INPP5A: variants seen among roughly 807,000 people sequenced by gnomAD.
INPP5A encodes inositol polyphosphate-5-phosphatase A.
INPP5A carries 14 observed loss-of-function variants against 65.2 expected under a neutral mutation model. The observed-to-expected ratio is 0.21, with a 90% CI of 0.14 to 0.34. The LOEUF (loss-of-function observed/expected upper bound fraction) is 0.34, where lower values mean the gene tolerates loss of function less well. Among genes scored for constraint, INPP5A ranks in the 10% least tolerant of loss-of-function variants. The pLI is 1.00. For missense variants in INPP5A, 431 were observed against 545.6 expected, an observed-to-expected ratio of 0.79 and a Z score of 2.09; for synonymous variants, 207 against 208.3, an observed-to-expected ratio of 0.99 and a Z score of 0.05.
At chr10:132,679,139 C>T (rs2073009089) in intron 4 of INPP5A, among the ~76,000 whole-genome samples, 1 of 152,130 alleles carries the variant, frequency 6.6e-6, no homozygotes, top group Non-Finnish European at 1.5e-5. Flanking sequence ...GGCGGGGGCC[C>T]CACAGGGAGA....
rs546707093 is a variant in INPP5A, at chr10:132,694,876, A to T, written c.371-2940A>T. On this transcript the variant is annotated intron_variant, in intron 5 of 15. Coordinates refer to ENST00000368594, the MANE Select transcript of INPP5A (RefSeq NM_005539.5). ...TCTGAACAGGTCTATAGCTATTAACAACACTGAATAAGTAATTAATAACCT... is the reference window on the plus strand; with the variant it reads ...TCTGAACAGGTCTATAGCTATTAACTACACTGAATAAGTAATTAATAACCT... 2.6e-5 allele frequency among the ~76,000 whole-genome samples: 4 copies of T among 152,356 alleles called. No individual in the cohort carries two copies. The South Asian group carries it at 6.2e-4, about 24-fold the overall frequency.
intron 1 of INPP5A, among the ~76,000 whole-genome samples, chr10:132,593,343 A>G (rs1327780434): frequency 6.6e-6 from 1 of 152,226 alleles, no homozygotes. Context: ...GGGATCCTGC[A>G]TTACAATTTT....
At chr10:132,572,960 G>C (rs1247571067) in intron 1 of INPP5A, among the ~76,000 whole-genome samples, 3 of 151,912 alleles carry the variant, frequency 2.0e-5, no homozygotes, top group Non-Finnish European at 4.4e-5. Flanking sequence ...TTGAGATGTT[G>C]GGGTGTACGT....
intron 1 of INPP5A, among the ~76,000 whole-genome samples, chr10:132,604,350 A>G (rs1389869236): frequency 7.6e-6 from 1 of 131,058 alleles, no homozygotes. Flanking sequence ...TCCCCTCTCC[A>G]TCCTGCCCTG....
At chr10:132,723,447 T>G (rs954415076) in intron 8 of INPP5A, among the ~76,000 whole-genome samples, 2 of 145,374 alleles carry the variant, frequency 1.4e-5, no homozygotes, top group African/African-American at 5.4e-5. Flanking sequence ...ATGTGGGGAT[T>G]GGCCGTGTGG....
intron 5 of INPP5A, among the ~76,000 whole-genome samples, chr10:132,690,996 C>G (rs1221575509): frequency 6.6e-6 from 1 of 152,212 alleles, no homozygotes; most frequent in Non-Finnish European, 1.5e-5. Context: ...TGTGCGATGA[C>G]TTCCCGTCTG....
At chr10:132,684,929 G>C (rs2073095701) in intron 4 of INPP5A, among the ~76,000 whole-genome samples, 1 of 152,102 alleles carries the variant, frequency 6.6e-6, no homozygotes, top group African/African-American at 2.4e-5. Context: ...GCGTATGAGG[G>C]GAGTCATGTT....
chr10:132,720,525 G>A (rs2134562939), intron 8 of INPP5A, among the ~76,000 whole-genome samples: 1 of 149,368 alleles, frequency 6.7e-6, no homozygotes, highest in South Asian at 2.1e-4. Flanking sequence ...TTGGTGCCTG[G>A]GTTCTGTCTG....
At chr10:132,739,884 G>A (rs990470423) in intron 9 of INPP5A, among the ~76,000 whole-genome samples, 2 of 152,182 alleles carry the variant, frequency 1.3e-5, no homozygotes, top group Non-Finnish European at 2.9e-5. Context: ...CCGTTGGCCC[G>A]TGTATGTTTG....
chr10:132,687,934 T>G (rs1845166987), intron 4 of INPP5A, among the ~76,000 whole-genome samples: 1 of 152,224 alleles, frequency 6.6e-6, no homozygotes, highest in Non-Finnish European at 1.5e-5. Flanking sequence ...AATGCACTCC[T>G]TGAAGTGTGT....
At chr10:132,766,699 C>T (rs1038906408) in intron 12 of INPP5A, among the ~76,000 whole-genome samples, 14 of 151,876 alleles carry the variant, frequency 9.2e-5, no homozygotes, top group African/African-American at 2.2e-4. Flanking sequence ...TGTGTGTTCA[C>T]GCGTGGAGAT....
chr10:132,714,272 C>G (rs1564978559), intron 8 of INPP5A, among the ~76,000 whole-genome samples: 1 of 152,202 alleles, frequency 6.6e-6, no homozygotes, highest in Non-Finnish European at 1.5e-5. Flanking sequence ...TCCGGACCTC[C>G]GCGGCGTGGG....
Position 132,597,176 on chromosome 10 carries a change from C to T in INPP5A, c.76-10739C>T, listed in dbSNP as rs118073659. 2.4e-4 allele frequency among the ~76,000 whole-genome samples: 36 copies of T among 152,344 alleles called. No individual in the cohort carries two copies. In the East Asian group the frequency reaches 6.2e-3, roughly 26 times the overall value. On this transcript the variant is annotated intron_variant, in intron 1 of 15. Coordinates refer to ENST00000368594, the MANE Select transcript of INPP5A (RefSeq NM_005539.5). ...GTGTGAGTGTGTGTGCGCATGTGTG[C>T]GTATGCACATGCACTTGTGTTTTCA... is the stretch of plus-strand genomic sequence containing the variant.
chr10:132,646,055 C>T (rs1291639904), intron 3 of INPP5A, 87 bp downstream of exon 3: 17 of 834,800 alleles, frequency 2.0e-5, no homozygotes, highest in Non-Finnish European at 3.0e-5. Context: ...CTATGATCAC[C>T]AGCCTCACCA....
rs1026149152 is a variant in INPP5A at position 132,716,204 on chromosome 10, G to C, written c.647+5748G>C. Reference sequence around the variant, plus strand: ...TTCCTTTCCTTAAGAAACAAACCATGTGGGCCCGCAGGTGCCCCGTCCTCC... The same window carrying C: ...TTCCTTTCCTTAAGAAACAAACCATCTGGGCCCGCAGGTGCCCCGTCCTCC... On this transcript the variant is annotated intron_variant, in intron 8 of 15. Coordinates refer to ENST00000368594, the MANE Select transcript of INPP5A (RefSeq NM_005539.5). Among the ~76,000 whole-genome samples, 16 of 152,352 alleles carry C rather than the reference G, an allele frequency of 1.1e-4. No individual in the cohort carries two copies. In the South Asian group the frequency reaches 2.1e-3, roughly 20 times the overall value.
chr10:132,693,478 T>C (rs190205180), intron 5 of INPP5A, among the ~76,000 whole-genome samples: 1 of 152,268 alleles, frequency 6.6e-6, no homozygotes, highest in East Asian at 1.9e-4. Context: ...GAGGAAGGTA[T>C]AGTGTTCTAA....
At chr10:132,636,163 A>ATGTGTGTGTG (rs59663030) in intron 2 of INPP5A, among the ~76,000 whole-genome samples, 19,899 of 149,600 alleles carry the variant, frequency 0.13, 1,355 homozygotes, top group Admixed American at 0.18. Context: ...GATAAACAAA[A>ATGTGTGTGTG]TGTGTGTGTG....
At position 132,706,173 on chromosome 10, in the gene INPP5A, T is replaced by C. The variant is rs1845535119; in HGVS notation, c.475-2140T>C. Reference sequence around the variant, plus strand: ...GAATTAGACAATGTCATTAAGGAGTTCATCTAAACATAGTCAAGACGGACA... The same window carrying C: ...GAATTAGACAATGTCATTAAGGAGTCCATCTAAACATAGTCAAGACGGACA... On this transcript the variant is annotated intron_variant, in intron 6 of 15. Transcript: ENST00000368594. The surrounding 1 kb of genome is among the most constrained non-coding windows in gnomAD (Gnocchi z 4.7). Among the ~76,000 whole-genome samples the C allele has an allele frequency of 2.0e-5, 3 of 152,356 alleles. No individual in the cohort carries two copies. The South Asian group carries it at 6.2e-4, about 32-fold the overall frequency.
At chr10:132,738,591 C>T (rs747728312) in intron 9 of INPP5A, among the ~76,000 whole-genome samples, 1 of 152,230 alleles carries the variant, frequency 6.6e-6, no homozygotes, top group Non-Finnish European at 1.5e-5. Context: ...AGAGACCCGC[C>T]GCCTTCTTCC....
Sources: gnomAD v4.1 joint callset for allele counts (sites outside exome capture counted in the v4.1 genomes callset) on GRCh38, gnomAD v4.1.1 for gene constraint, Gnocchi (gnomAD v3.1) non-coding constraint, MANE v1.5 for transcripts, NCBI Gene and HGNC (gene_info 2026-07-23, HGNC 2026-07-21) for gene names.